CEMIP: variants seen among roughly 807,000 people sequenced by gnomAD.
The protein encoded by CEMIP is cell migration-inducing and hyaluronan-binding protein.
A neutral mutation model predicts 156.9 loss-of-function variants in CEMIP; 105 were observed. The ratio of observed to expected loss-of-function variants is 0.67; its 90% CI spans 0.57 to 0.79. CEMIP has a LOEUF of 0.79. CEMIP is among the 30% of genes least tolerant of loss of function. The pLI, the probability that CEMIP is intolerant of heterozygous loss-of-function variation, is 0.00. For missense variants in CEMIP, 1,457 were observed against 1,769.4 expected, an observed-to-expected ratio of 0.82 and a Z score of 3.17; for synonymous variants, 676 against 668.4, an observed-to-expected ratio of 1.01 and a Z score of -0.17.
At chr15:80,803,198 C>T (rs980179272) in intron 1 of CEMIP, among the ~76,000 whole-genome samples, 8 of 152,280 alleles carry the variant, frequency 5.3e-5, no homozygotes, top group African/African-American at 1.7e-4. Flanking sequence ...TGACCACTCC[C>T]GCAGAGTTGT....
intron 1 of CEMIP, among the ~76,000 whole-genome samples, chr15:80,819,904 A>T (rs1896871079): frequency 6.6e-6 from 1 of 152,206 alleles, no homozygotes; most frequent in Non-Finnish European, 1.5e-5. Context: ...TGGTCACAAT[A>T]GGACAGAGTC....
At chr15:80,877,768 AC>A (rs570936716) in intron 3 of CEMIP, among the ~76,000 whole-genome samples, 199 of 151,912 alleles carry the variant, frequency 1.3e-3, no homozygotes, top group African/African-American at 4.7e-3. Flanking sequence ...TGCAATACCC[AC>A]CCCCGGTCTT....
chr15:80,808,721 A>T lies in CEMIP; in HGVS notation c.-176+29107A>T, dbSNP rs138773845. Among the ~76,000 whole-genome samples, 569 of 149,892 alleles carry T rather than the reference A, an allele frequency of 3.8e-3. 5 individuals are homozygous for T. The highest frequency in any genetic ancestry group is 0.011 in the African/African-American group (457 of 40,926). ...GCATCTGCTTTGAACACTCCACAAT[A>T]AAAAAAAAATCAATTCTATGAAATA... On this transcript the variant is annotated intron_variant, in intron 1 of 29. Transcript: ENST00000394685.
Position 80,878,882 on chromosome 15 carries a change from C to G in CEMIP, c.241+15C>G. 1 of 1,614,138 alleles carries G rather than the reference C, an allele frequency of 6.2e-7. No individual in the cohort carries two copies. Among genetic ancestry groups the G allele is most frequent in the Non-Finnish European group, 8.5e-7 (1 of 1,179,980 alleles). On this transcript the variant is annotated intron_variant, in intron 4 of 29. Transcript: ENST00000394685. Reference sequence around the variant, plus strand: ...CTCAGAGGGAGGTAAGCCAATCTCTCTCTGCTGCTCCCTCTTCCCTCCACT... The same window carrying G: ...CTCAGAGGGAGGTAAGCCAATCTCTGTCTGCTGCTCCCTCTTCCCTCCACT...
At chr15:80,900,648 G>GTGTGTGTGTGTGTGTAT (rs1567090991) in intron 12 of CEMIP, among the ~76,000 whole-genome samples, 6 of 111,854 alleles carry the variant, frequency 5.4e-5, no homozygotes, top group African/African-American at 2.0e-4. Flanking sequence ...GTGTGTGTGT[G>GTGTGTGTGTGTGTGTAT]TCTGTGTGTG....
intron 1 of CEMIP, among the ~76,000 whole-genome samples, chr15:80,853,404 T>TC (rs1367451345): frequency 1.3e-5 from 2 of 152,170 alleles, no homozygotes; most frequent in Admixed American, 6.5e-5. Context: ...GTGCCTCTGG[T>TC]CCAGTCTGTT....
intron 1 of CEMIP, among the ~76,000 whole-genome samples, chr15:80,789,589 G>A (rs564188341): frequency 1.3e-5 from 2 of 152,180 alleles, no homozygotes; most frequent in Admixed American, 1.3e-4. Context: ...AAATAAAAAG[G>A]CGTGGTCATC....
intron 1 of CEMIP, among the ~76,000 whole-genome samples, chr15:80,782,963 G>GGAT (rs1895835821): frequency 6.6e-6 from 1 of 152,174 alleles, no homozygotes; most frequent in African/African-American, 2.4e-5. Flanking sequence ...GCCAATGAGG[G>GGAT]GAGGAACTGT....
intron 1 of CEMIP, among the ~76,000 whole-genome samples, chr15:80,800,019 T>TTGTG (rs1428935403): frequency 5.4e-5 from 3 of 55,212 alleles, no homozygotes; most frequent in African/African-American, 8.3e-5. Context: ...CCAGCTAATT[T>TTGTG]TATGTGTGTG....
rs528108700 is a variant in CEMIP at position 80,911,757 on chromosome 15, G to A, written c.1797+2451G>A. On this transcript the variant is annotated intron_variant, in intron 14 of 29. Coordinates refer to ENST00000394685, the MANE Select transcript of CEMIP (RefSeq NM_001293298.2). ...AATAGCAAACCTTTCTCAGAGTGCT[G>A]AGCCCAGGTCTTAGCTGCAGCAATG... Among the ~76,000 whole-genome samples, 7 of 152,380 alleles carry A rather than the reference G, an allele frequency of 4.6e-5. No individual in the cohort carries two copies. The East Asian group carries it at 1.3e-3, about 29-fold the overall frequency.
At chr15:80,883,078 T>C (rs1406435324) in intron 6 of CEMIP, among the ~76,000 whole-genome samples, 1 of 152,062 alleles carries the variant, frequency 6.6e-6, no homozygotes, top group Non-Finnish European at 1.5e-5. Context: ...GCTATCCAGC[T>C]ACCACCGGTA....
chr15:80,783,425 G>GT (rs755401186), intron 1 of CEMIP, among the ~76,000 whole-genome samples: 41 of 152,310 alleles, frequency 2.7e-4, no homozygotes, highest in Middle Eastern at 3.4e-3. Flanking sequence ...CTCACTGCTT[G>GT]TTTTTTACCA....
chr15:80,879,676 C>T, intron 4 of CEMIP, 40 bp from the exon 5 acceptor site: 17 of 1,613,600 alleles, frequency 1.1e-5, no homozygotes, highest in Non-Finnish European at 1.4e-5. Flanking sequence ...TTACCCTTAA[C>T]ACTGTGTTAT....
intron 1 of CEMIP, among the ~76,000 whole-genome samples, chr15:80,853,557 G>T (rs895476549): frequency 2.0e-5 from 3 of 152,136 alleles, no homozygotes; most frequent in Non-Finnish European, 2.9e-5. Flanking sequence ...CAATATGGTG[G>T]TCTTTGAAGC....
chr15:80,802,232 G>A (rs779994682), intron 1 of CEMIP, among the ~76,000 whole-genome samples: 4 of 152,266 alleles, frequency 2.6e-5, no homozygotes, highest in Admixed American at 6.5e-5. Context: ...GCACCTGAGA[G>A]TGGAGGTACC....
At chr15:80,803,921 G>A (rs983469510) in intron 1 of CEMIP, among the ~76,000 whole-genome samples, 2 of 152,166 alleles carry the variant, frequency 1.3e-5, no homozygotes, top group African/African-American at 2.4e-5. Flanking sequence ...ACTCGAGACT[G>A]GATAATTTCT....
chr15:80,825,095 C>G (rs2094264377), intron 1 of CEMIP, among the ~76,000 whole-genome samples: 1 of 152,112 alleles, frequency 6.6e-6, no homozygotes, highest in Non-Finnish European at 1.5e-5. Flanking sequence ...TCATCAGCAC[C>G]CCAGCCTGCT....
chr15:80,784,903 T>C (rs1393099295), intron 1 of CEMIP, among the ~76,000 whole-genome samples: 5 of 152,134 alleles, frequency 3.3e-5, no homozygotes, highest in African/African-American at 1.2e-4. Context: ...TTCTTCTTGG[T>C]GTAATTTAAG....
intron 21 of CEMIP, 39 bp from the exon 22 acceptor site, chr15:80,931,820 A>G: frequency 3.1e-6 from 5 of 1,599,262 alleles, no homozygotes; most frequent in Non-Finnish European, 4.3e-6. Context: ...TAGGAATGGA[A>G]AACATTTAGA....
Sources: allele counts gnomAD v4.1 joint callset (sites outside exome capture counted in the v4.1 genomes callset), GRCh38; gene constraint gnomAD v4.1.1; transcripts MANE v1.5; gene names NCBI Gene and HGNC (gene_info 2026-07-23, HGNC 2026-07-21).